The following CDKL5 variants were observed in gnomAD, a reference collection of about 807,000 sequenced individuals.
The protein encoded by CDKL5 is cyclin-dependent kinase-like 5.
A neutral mutation model predicts 61.7 loss-of-function variants in CDKL5; 8 were observed. The ratio of observed to expected loss-of-function variants is 0.13; its 90% CI spans 0.08 to 0.23. The LOEUF (loss-of-function observed/expected upper bound fraction) is 0.23, where lower values mean the gene tolerates loss of function less well. CDKL5 is among the 10% of genes least tolerant of loss of function. The probability of loss-of-function intolerance (pLI) is 1.00; values close to 1 mark genes in which losing one functional copy is unlikely to be tolerated. For synonymous variants in CDKL5, 275 were observed against 272.3 expected (o/e 1.01, Z -0.10); for missense variants, 440 against 734.5 (o/e 0.60, Z 4.63).
chrX:18,583,224 G>C (rs1019134330), intron 7 of CDKL5, among the ~76,000 whole-genome samples: 4 of 111,119 alleles, frequency 3.6e-5, no homozygotes, highest in African/African-American at 9.8e-5. Flanking sequence ...TCCTGGTCTG[G>C]CATTTCTCAG....
chrX:18,584,208 C>A, intron 7 of CDKL5, 55 bp from the exon 8 acceptor site: 1 of 809,992 alleles, frequency 1.2e-6, no homozygotes, highest in Non-Finnish European at 1.9e-6. Context: ...ATTTTGCCCA[C>A]ATGAATTATT....
intron 7 of CDKL5, 62 bp downstream of exon 7, chrX:18,582,012 A>G (rs1403437282): frequency 2.6e-6 from 2 of 780,806 alleles, no homozygotes; most frequent in Non-Finnish European, 3.9e-6. Flanking sequence ...ACACATAGGT[A>G]GCTTTTAAAG....
At chrX:18,448,535 A>C (rs1931934932) in intron 1 of CDKL5, among the ~76,000 whole-genome samples, 1 of 112,082 alleles carries the variant, frequency 8.9e-6, no homozygotes, top group Non-Finnish European at 1.9e-5. Context: ...TTTCTATTGA[A>C]TATGTGGGTT....
chrX:18,635,632 AC>A lies in CDKL5; in HGVS notation c.*6876del. The A allele has an allele frequency of 8.0e-6, 6 of 751,658 alleles. No homozygotes were observed. Among genetic ancestry groups the A allele is most frequent in the Non-Finnish European group, 9.4e-6 (6 of 637,130 alleles). 61.9% of individuals were successfully genotyped at this position (751,658 alleles called of 1,213,427 possible). ...CTATTTATAAAGCTTTTTTCCCCTTACGGCATTTTGAAAACTTTGGTTTGTT... is the reference window on the plus strand; with the variant it reads ...CTATTTATAAAGCTTTTTTCCCCTTAGGCATTTTGAAAACTTTGGTTTGTT... On this transcript the variant is annotated 3_prime_UTR_variant, in exon 18 of 18. Transcript: ENST00000623535.
intron 12 of CDKL5, among the ~76,000 whole-genome samples, chrX:18,608,415 G>A (rs1926432796): frequency 8.9e-6 from 1 of 111,906 alleles, no homozygotes; most frequent in African/African-American, 3.2e-5. Context: ...TTTTGGAACT[G>A]CACAGTTCAT....
intron 3 of CDKL5, among the ~76,000 whole-genome samples, chrX:18,555,837 T>TAA (rs1924583303): frequency 8.9e-6 from 1 of 112,422 alleles, no homozygotes; most frequent in Non-Finnish European, 1.9e-5. Flanking sequence ...ATTTGTTAGT[T>TAA]GACTGATTGA....
At chrX:18,623,890 C>A in intron 16 of CDKL5, 1 of 742,588 alleles carries the variant, frequency 1.3e-6, no homozygotes, top group Non-Finnish European at 1.6e-6. Flanking sequence ...CAGATTCCAC[C>A]AACGGGGAGA....
chrX:18,460,664 G>C (rs1242276705), intron 1 of CDKL5, among the ~76,000 whole-genome samples: 2 of 110,547 alleles, frequency 1.8e-5, no homozygotes, highest in Non-Finnish European at 3.8e-5. Context: ...ACCATGCCCA[G>C]CTAATTTTGT....
At chrX:18,595,033 T>C (rs1008496070) in intron 9 of CDKL5, among the ~76,000 whole-genome samples, 1 of 111,154 alleles carries the variant, frequency 9.0e-6, no homozygotes, top group African/African-American at 3.3e-5. Flanking sequence ...ATACAAAAAA[T>C]TAGCCAGGCG....
Position 18,604,710 on chromosome X carries a change from C to T in CDKL5, c.1786C>T (p.Leu596=), listed in dbSNP as rs776627003. The change falls in exon 12 of 18, where the codon CTG becomes TTG. Residue 596 remains leucine (L), a synonymous_variant. Transcript: ENST00000623535. ...SAPHESFSYG[L]GYTSPFSSQQ... Reference sequence around the variant, plus strand: ...ACCTCACGAATCTTTTTCTTATGGACTGGGCTACACCAGCCCCTTTTCTTC... The same window carrying T: ...ACCTCACGAATCTTTTTCTTATGGATTGGGCTACACCAGCCCCTTTTCTTC... 1.2e-5 allele frequency: 14 copies of T among 1,210,057 alleles called. No individual in the cohort carries two copies. Among genetic ancestry groups the T allele is most frequent in the Non-Finnish European group, 7.8e-6 (7 of 894,985 alleles).
chrX:18,509,197 G>GCACGCGCGCACACACACACACACACACA, intron 2 of CDKL5, among the ~76,000 whole-genome samples: 1 of 64,308 alleles, frequency 1.6e-5, no homozygotes, highest in South Asian at 1.1e-3. Context: ...CTCAAAACAC[G>GCACGCGCGCACACACACACACACACACA]CACACACACA....
At chrX:18,572,053 C>T (rs1290241176) in intron 4 of CDKL5, among the ~76,000 whole-genome samples, 1 of 111,665 alleles carries the variant, frequency 9.0e-6, no homozygotes, top group Non-Finnish European at 1.9e-5. Context: ...AGCCAAGTTC[C>T]ATGAGGTTTA....
In CDKL5 at chrX:18,633,743, C is replaced by T; in HGVS notation, c.*4986C>T. 5 of 753,029 alleles carry T rather than the reference C, an allele frequency of 6.6e-6. No homozygotes were observed. Among genetic ancestry groups the T allele is most frequent in the Non-Finnish European group, 7.8e-6 (5 of 638,612 alleles). The allele number at this position is 753,029 out of a possible 1,213,427, so 62.1% of individuals were successfully genotyped here. ...TTGAATGTACGATACAAATGGTAGG[C>T]CTTCATGTGAGCCAGTTACTACATG... On this transcript the variant is annotated 3_prime_UTR_variant, in exon 18 of 18. Transcript: ENST00000623535.
intron 3 of CDKL5, among the ~76,000 whole-genome samples, chrX:18,520,681 C>T (rs1923211530): frequency 1.8e-5 from 2 of 111,917 alleles, no homozygotes; most frequent in Non-Finnish European, 3.8e-5. Context: ...CCCTCCTTTA[C>T]ATTCCCACCA....
rs1204561636 is a variant in CDKL5 at position 18,509,197 on chromosome X, G to GCACGCGCGCGCACACACA, written c.65-1620_65-1619insGCGCGCGCACACACACAC. On this transcript the variant is annotated intron_variant, in intron 2 of 17. Transcript: ENST00000623535. ...AGAGAGCGAGACTGTCTCAAAACAC[G>GCACGCGCGCGCACACACA]CACACACACACACACACACACACAC... Among the ~76,000 whole-genome samples the GCACGCGCGCGCACACACA allele has an allele frequency of 3.7e-4, 24 of 64,305 alleles. No homozygotes were observed. The South Asian group carries it at 6.6e-3, about 18-fold the overall frequency. 55.8% of individuals were successfully genotyped at this position (64,305 alleles called of 115,157 possible). A position where few individuals can be genotyped will look rare whatever the true frequency, so the allele number is the denominator to read the frequency against.
Position 18,598,518 on chromosome X carries a change from C to T in CDKL5, c.882C>T (p.His294=). ...DRYLTEQCLN[H]PTFQTQRLLD... ...ACTTGACAGAACAGTGTTTGAATCA[C>T]CCTACATTTCAAACCCAGAGACTTC... The change falls in exon 11 of 18, where the codon CAC becomes CAT. Residue 294 remains histidine, a synonymous_variant. Transcript: ENST00000623535. 8.3e-7 allele frequency: 1 copy of T among 1,203,624 alleles called. No homozygotes were observed. The highest frequency in any genetic ancestry group is 1.1e-6 in the Non-Finnish European group (1 of 888,105).
At chrX:18,570,377 T>A (rs886977192) in intron 4 of CDKL5, among the ~76,000 whole-genome samples, 2 of 112,133 alleles carry the variant, frequency 1.8e-5, no homozygotes, top group Non-Finnish European at 3.8e-5. Flanking sequence ...AATAAATTTC[T>A]ACTGTGCTTT....
At chrX:18,598,383 A>C (rs1021642743) in intron 10 of CDKL5, 79 bp from the exon 11 acceptor site, 50 of 791,780 alleles carry the variant, frequency 6.3e-5, no homozygotes, top group Non-Finnish European at 9.1e-5. Flanking sequence ...TTCTTTTATA[A>C]GGAAAAAAAT....
intron 3 of CDKL5, among the ~76,000 whole-genome samples, chrX:18,551,369 T>C (rs1291921858): frequency 5.5e-5 from 6 of 109,210 alleles, no homozygotes; most frequent in Admixed American, 2.0e-4. Flanking sequence ...CCCTTCAGGC[T>C]GATACTATAA....
Sources: allele counts gnomAD v4.1 joint callset (sites outside exome capture counted in the v4.1 genomes callset), GRCh38; gene constraint gnomAD v4.1.1; transcripts MANE v1.5; gene names NCBI Gene and HGNC (gene_info 2026-07-23, HGNC 2026-07-21).